The following HCRTR2 variants were observed in gnomAD, a reference collection of about 807,000 sequenced individuals.
HCRTR2 encodes hypocretin receptor 2, also known as orexin receptor type 2.
Under a neutral mutation model 49.0 loss-of-function variants are expected in HCRTR2, and 22 were observed. The observed-to-expected ratio is 0.45, with a 90% CI of 0.32 to 0.64. HCRTR2 has a LOEUF of 0.64. HCRTR2 is among the 30% of genes least tolerant of loss of function. The probability of loss-of-function intolerance (pLI) is 0.04; values close to 1 mark genes in which losing one functional copy is unlikely to be tolerated. For missense variants in HCRTR2, 491 were observed against 559.4 expected (o/e 0.88, Z 1.23); for synonymous variants, 236 against 205.3 (o/e 1.15, Z -1.28).
upstream of HCRTR2, chr6:55,174,191 A>T (rs373995163): frequency 3.4e-3 from 663 of 194,266 alleles, 1 homozygote; most frequent in African/African-American, 0.015. Flanking sequence ...AGTTTTCATT[A>T]CTTTTTTTTT....
chr6:55,214,133 G>T lies in HCRTR2; in HGVS notation c.224-34506G>T, dbSNP rs143973219. On this transcript the variant is annotated intron_variant, in intron 1 of 6. Coordinates refer to ENST00000370862, the MANE Select transcript of HCRTR2 (RefSeq NM_001384272.1). The stretch of plus-strand genomic sequence containing the variant: ...TGTGGTACCACAGATAGACACCAAA[G>T]GGAGGAAGAGATTACAAGCTCCTGA... Among the ~76,000 whole-genome samples the T allele has an allele frequency of 1.3e-4, 20 of 152,182 alleles. No individual in the cohort carries two copies. The East Asian group carries it at 3.9e-3, about 29-fold the overall frequency.
At position 55,221,686 on chromosome 6, in the gene HCRTR2, G is replaced by A. The variant is rs573642142; in HGVS notation, c.224-26953G>A. Among the ~76,000 whole-genome samples, 29 of 152,004 alleles carry A rather than the reference G, an allele frequency of 1.9e-4. 1 individual carries two copies. The highest frequency in any genetic ancestry group is 2.1e-4 in the Non-Finnish European group (14 of 67,960). On this transcript the variant is annotated intron_variant, in intron 1 of 6. Transcript: ENST00000370862. ...AAATTAGCCGGGCGTGGTGGTGGGC[G>A]CCTGTAGTCCCAACTACTCAGGAGG...
chr6:55,132,583 A>C (rs983570249), intron 1 of HCRTR2, among the ~76,000 whole-genome samples: 3 of 151,850 alleles, frequency 2.0e-5, no homozygotes, highest in African/African-American at 7.2e-5. Context: ...TGGGAGACAT[A>C]GATTATAAAC....
chr6:55,283,858 T>C (rs1699115266), downstream of HCRTR2, among the ~76,000 whole-genome samples: 1 of 152,188 alleles, frequency 6.6e-6, no homozygotes, highest in Non-Finnish European at 1.5e-5. Flanking sequence ...CCACAACTTG[T>C]TTTCAAATCT....
At chr6:55,258,753 C>T (rs1223859523) in intron 3 of HCRTR2, among the ~76,000 whole-genome samples, 1 of 152,058 alleles carries the variant, frequency 6.6e-6, no homozygotes, top group East Asian at 1.9e-4. Context: ...AGGAAAGATC[C>T]TACAGAAAGA....
At chr6:55,148,761 T>C (rs1453820173) in intron 1 of HCRTR2, among the ~76,000 whole-genome samples, 2 of 152,124 alleles carry the variant, frequency 1.3e-5, no homozygotes. Flanking sequence ...TCAGGTAATA[T>C]ATGTTTATAT....
intron 1 of HCRTR2, among the ~76,000 whole-genome samples, chr6:55,154,847 A>C (rs1444714937): frequency 6.6e-6 from 1 of 151,846 alleles, no homozygotes; most frequent in Non-Finnish European, 1.5e-5. Context: ...ACAAACAAAC[A>C]AAATAGCTAG....
upstream of HCRTR2, chr6:55,174,223 C>A: frequency 4.9e-6 from 1 of 205,086 alleles, no homozygotes; most frequent in Non-Finnish European, 9.9e-6. Flanking sequence ...TCAGCTCTCC[C>A]TCAGCGAGGG....
chr6:55,221,540 G>A (rs896522895), intron 1 of HCRTR2, among the ~76,000 whole-genome samples: 12 of 152,136 alleles, frequency 7.9e-5, no homozygotes, highest in Non-Finnish European at 1.0e-4. Context: ...TGGGCCGGGC[G>A]TGGTGGCTCA....
chr6:55,145,181 G>A (rs1764562303), intron 1 of HCRTR2, among the ~76,000 whole-genome samples: 1 of 152,014 alleles, frequency 6.6e-6, no homozygotes, highest in African/African-American at 2.4e-5. Flanking sequence ...ATTCTGATAT[G>A]TCAATTGTGT....
chr6:55,203,826 A>G (rs1581827299), intron 1 of HCRTR2, among the ~76,000 whole-genome samples: 2 of 152,174 alleles, frequency 1.3e-5, no homozygotes, highest in Non-Finnish European at 2.9e-5. Flanking sequence ...CTTGGAAACC[A>G]AAAAGAATCT....
chr6:55,166,605 G>A (rs923048630), intron 1 of HCRTR2, among the ~76,000 whole-genome samples: 2 of 152,184 alleles, frequency 1.3e-5, no homozygotes, highest in East Asian at 3.9e-4. Flanking sequence ...ATTGCCAGTG[G>A]TAATGTGAAA....
At chr6:55,234,339 T>C (rs1425731989) in intron 1 of HCRTR2, among the ~76,000 whole-genome samples, 2 of 152,118 alleles carry the variant, frequency 1.3e-5, no homozygotes, top group African/African-American at 4.8e-5. Context: ...AGGTAAAAGA[T>C]TGGTTTTGTA....
At chr6:55,159,291 C>CAAAAACAAAAACAAAAA (rs1554168787) in intron 1 of HCRTR2, among the ~76,000 whole-genome samples, 1 of 151,762 alleles carries the variant, frequency 6.6e-6, no homozygotes, top group African/African-American at 2.4e-5. Context: ...AAAACAAAAA[C>CAAAAACAAAAACAAAAA]AAAAACAAAA....
At chr6:55,214,522 G>A (rs765729266) in intron 1 of HCRTR2, among the ~76,000 whole-genome samples, 35 of 150,876 alleles carry the variant, frequency 2.3e-4, no homozygotes, top group South Asian at 1.0e-3. Flanking sequence ...ATTTTTTTTC[G>A]TAGAGATGTG....
downstream of HCRTR2, among the ~76,000 whole-genome samples, chr6:55,283,197 A>G (rs1168666932): frequency 1.3e-5 from 2 of 152,220 alleles, no homozygotes; most frequent in Non-Finnish European, 2.9e-5. Flanking sequence ...AAAAAGTGAT[A>G]TAGTCAGCCT....
chr6:55,238,681 G>C (rs1159476511), intron 1 of HCRTR2, among the ~76,000 whole-genome samples: 3 of 152,166 alleles, frequency 2.0e-5, no homozygotes, highest in African/African-American at 7.2e-5. Context: ...AAGTAGGAGA[G>C]AGAGCCAAGA....
chr6:55,171,502 T>A (rs547867774), upstream of HCRTR2, among the ~76,000 whole-genome samples: 1 of 152,208 alleles, frequency 6.6e-6, no homozygotes, highest in African/African-American at 2.4e-5. Context: ...CTAAGGAAGA[T>A]ATTCACATCA....
At chr6:55,171,039 CAT>C (rs1381320450), upstream of HCRTR2, among the ~76,000 whole-genome samples, 8 of 152,070 alleles carry the variant, frequency 5.3e-5, no homozygotes, top group Admixed American at 2.0e-4. Context: ...CCGCAATAAA[CAT>C]ATGTGTGCAT....
Sources: gnomAD v4.1 joint callset for allele counts (sites outside exome capture counted in the v4.1 genomes callset) on GRCh38, gnomAD v4.1.1 for gene constraint, MANE v1.5 for transcripts, NCBI Gene and HGNC (gene_info 2026-07-23, HGNC 2026-07-21) for gene names.